Variants in NOX3 observed in about 807,000 individuals in gnomAD.
NOX3 encodes NADPH oxidase 3.
NOX3 carries 74 observed loss-of-function variants against 76.7 expected under a neutral mutation model. The ratio of observed to expected loss-of-function variants is 0.96; its 90% CI spans 0.80 to 1.17. The LOEUF (loss-of-function observed/expected upper bound fraction) is 1.17, where lower values mean the gene tolerates loss of function less well. Ranked by LOEUF, NOX3 falls within the 50% of genes most tolerant of loss-of-function variation. The pLI, the probability that NOX3 is intolerant of heterozygous loss-of-function variation, is 0.00. For missense variants in NOX3, 695 were observed against 703.3 expected (o/e 0.99, Z 0.13); for synonymous variants, 263 against 261.1 (o/e 1.01, Z -0.07).
At chr6:155,450,654 C>T (rs981137618) in intron 4 of NOX3, among the ~76,000 whole-genome samples, 1 of 152,132 alleles carries the variant, frequency 6.6e-6, no homozygotes, top group Non-Finnish European at 1.5e-5. Flanking sequence ...GATATGAGTC[C>T]TGGGCATGGC....
chr6:155,429,751 C>CCTG (rs1776808109), intron 8 of NOX3, among the ~76,000 whole-genome samples: 2 of 152,152 alleles, frequency 1.3e-5, no homozygotes, highest in South Asian at 4.1e-4. Flanking sequence ...TCCAGGCCCT[C>CCTG]CTGTCTTCTT....
chr6:155,422,520 C>T (rs1776702601), intron 10 of NOX3, among the ~76,000 whole-genome samples, 174 bp downstream of exon 10: 1 of 152,218 alleles, frequency 6.6e-6, no homozygotes, highest in South Asian at 2.1e-4. Context: ...AGACATAACC[C>T]TACTCATAAA....
rs185935530 is a variant in NOX3, at chr6:155,443,155, A to G, written c.486+118T>C. 143 of 1,099,662 alleles carry G rather than the reference A, an allele frequency of 1.3e-4. No individual in the cohort carries two copies. The Middle Eastern group carries it at 2.0e-3, about 15-fold the overall frequency. The allele number at this position is 1,099,662 out of a possible 1,614,324, so 68.1% of individuals were successfully genotyped here. A position where few individuals can be genotyped will look rare whatever the true frequency, so the allele number is the denominator to read the frequency against. On this transcript the variant is annotated intron_variant, in intron 5 of 13. Coordinates refer to ENST00000159060, the MANE Select transcript of NOX3 (RefSeq NM_015718.3). ...AATGTGAAATTGAAAACAAATTCAC[A>G]TATAAATTCATTCTCCAGCTCTTTT...
intron 10 of NOX3, among the ~76,000 whole-genome samples, chr6:155,419,426 G>A (rs1776660970): frequency 6.6e-6 from 1 of 152,136 alleles, no homozygotes; most frequent in African/African-American, 2.4e-5. Context: ...CTCCGCTCGA[G>A]GTGCAGATAC....
chr6:155,454,870 T>C lies in NOX3; in HGVS notation c.196A>G (p.Met66Val), dbSNP rs188133449. The change falls in exon 3 of 14, where the codon ATG becomes GTG. Residue 66 changes from methionine to valine, a missense_variant. Met to Val is a conservative substitution (Grantham distance 21). Transcript: ENST00000159060. ...ASALCLNFNCMLILIPVSRNL... is the reference protein window; with the variant it reads ...ASALCLNFNCVLILIPVSRNL... ...CGACTGACAGGTATTAGAATTAGCA[T>C]GCAGTTAAAATTCAGGCACAGTGCG... The C allele has an allele frequency of 1.2e-6, 2 of 1,610,632 alleles. No homozygotes were observed. Among genetic ancestry groups the C allele is most frequent in the East Asian group, 2.2e-5 (1 of 44,820 alleles).
rs1776631151 is a variant in NOX3 at position 155,417,098 on chromosome 6, C to T, written c.1308+5596G>A. Among the ~76,000 whole-genome samples the T allele has an allele frequency of 2.0e-5, 3 of 152,054 alleles. No individual in the cohort carries two copies. In the East Asian group the frequency reaches 5.8e-4, roughly 29 times the overall value. ...ATGATTCCATAAATTGTGGCCTATC[C>T]ACACTATGGAATACTCTAAAGACAC... On this transcript the variant is annotated intron_variant, in intron 10 of 13. Transcript: ENST00000159060.
At chr6:155,452,305 C>T (rs1024777524) in intron 4 of NOX3, among the ~76,000 whole-genome samples, 4 of 152,194 alleles carry the variant, frequency 2.6e-5, no homozygotes, top group African/African-American at 9.7e-5. Context: ...TTCGCTCATT[C>T]ATGAACGGTT....
At chr6:155,414,735 C>T (rs1007205851) in intron 10 of NOX3, among the ~76,000 whole-genome samples, 1 of 147,296 alleles carries the variant, frequency 6.8e-6, no homozygotes, top group Non-Finnish European at 1.5e-5. Flanking sequence ...TCAAGTGATT[C>T]TCCTGCCTCA....
rs769210846 is a variant in NOX3, at chr6:155,422,708, G to A, written c.1294C>T (p.Leu432=). 3 of 1,614,106 alleles carry A rather than the reference G, an allele frequency of 1.9e-6. No individual in the cohort carries two copies. The highest frequency in any genetic ancestry group is 1.7e-6 in the Non-Finnish European group (2 of 1,179,976). ...TTTTTCCGTACCTTGCTCAGCTTCA[G>A]TGGGGTCTGTGCCTCACTGCATTTG... The part of the protein sequence containing the change: ...WYKCSEAQTP[L]KLSKVYFYWI... The change falls in exon 10 of 14, where the codon CTG becomes TTG. Residue 432 remains leucine, a synonymous_variant. Transcript: ENST00000159060.
chr6:155,448,930 C>G (rs540082497), intron 4 of NOX3, among the ~76,000 whole-genome samples: 1 of 152,246 alleles, frequency 6.6e-6, no homozygotes, highest in Non-Finnish European at 1.5e-5. Flanking sequence ...ACTTTTAAAC[C>G]TGTGGTCTGA....
chr6:155,449,281 A>G (rs1331964748), intron 4 of NOX3, among the ~76,000 whole-genome samples: 2 of 152,174 alleles, frequency 1.3e-5, no homozygotes, highest in African/African-American at 4.8e-5. Flanking sequence ...GGAACCTGGC[A>G]GAAGCAAGCT....
intron 9 of NOX3, among the ~76,000 whole-genome samples, chr6:155,426,564 G>A (rs866367450): frequency 6.6e-6 from 1 of 152,142 alleles, no homozygotes; most frequent in Non-Finnish European, 1.5e-5. Context: ...AGGAAGAGAG[G>A]GAGCTGCCCA....
Position 155,411,335 on chromosome 6 carries a change from T to C in NOX3, c.1334A>G (p.Asp445Gly), listed in dbSNP as rs574937092. 2 of 1,613,854 alleles carry C rather than the reference T, an allele frequency of 1.2e-6. No homozygotes were observed. The highest frequency in any genetic ancestry group is 3.3e-5 in the Admixed American group (2 of 60,012). Residue 445 changes from aspartate (D) to glycine (G), a missense_variant, in exon 11 of 14, where the codon GAT becomes GGT. By Grantham distance (94) the Asp-to-Gly change is moderately conservative (BLOSUM62 -1). Coordinates refer to ENST00000159060, the MANE Select transcript of NOX3 (RefSeq NM_015718.3). ...SKVYFYWICRDARAFEWFADL... is the reference protein window; with the variant it reads ...SKVYFYWICRGARAFEWFADL... ...AGCAAACCACTCAAAAGCTCTTGCA[T>C]CCCGGCAAATCCAGTAGAAATACAC...
chr6:155,442,853 C>T (rs1461026497), intron 5 of NOX3, among the ~76,000 whole-genome samples: 2 of 152,116 alleles, frequency 1.3e-5, no homozygotes, highest in Non-Finnish European at 2.9e-5. Context: ...AGAACAGATC[C>T]GGAAAACAAT....
chr6:155,401,874 G>A (rs1229645382), intron 12 of NOX3, among the ~76,000 whole-genome samples: 1 of 151,294 alleles, frequency 6.6e-6, no homozygotes, highest in African/African-American at 2.4e-5. Context: ...GCGTGGTGAA[G>A]TTATTAACAG....
At chr6:155,433,067 G>A (rs1776855217) in intron 7 of NOX3, among the ~76,000 whole-genome samples, 1 of 152,200 alleles carries the variant, frequency 6.6e-6, no homozygotes, top group Non-Finnish European at 1.5e-5. Context: ...ACCCATTTTA[G>A]AGAGTTTGGG....
At chr6:155,435,933 C>A (rs572979736) in intron 7 of NOX3, among the ~76,000 whole-genome samples, 1 of 152,178 alleles carries the variant, frequency 6.6e-6, no homozygotes, top group Non-Finnish European at 1.5e-5. Context: ...GAAGTAAATG[C>A]GTTTGACACA....
intron 7 of NOX3, among the ~76,000 whole-genome samples, chr6:155,433,733 CAG>C (rs34862758): frequency 0.12 from 17,599 of 152,062 alleles, 2,006 homozygotes; most frequent in East Asian, 0.51. Flanking sequence ...TTCATGGCCA[CAG>C]AGTTAGGGGC....
intron 4 of NOX3, among the ~76,000 whole-genome samples, chr6:155,444,296 A>G (rs2114705897): frequency 6.6e-6 from 1 of 152,362 alleles, no homozygotes; most frequent in East Asian, 1.9e-4. Flanking sequence ...TAGCATGATG[A>G]AATCTCATGC....
Sources: gnomAD v4.1 joint callset for allele counts (sites outside exome capture counted in the v4.1 genomes callset) on GRCh38, gnomAD v4.1.1 for gene constraint, MANE v1.5 for transcripts, NCBI Gene and HGNC (gene_info 2026-07-23, HGNC 2026-07-21) for gene names.